The following TRPV3 variants were observed in gnomAD, a reference collection of about 807,000 sequenced individuals.
TRPV3 encodes VRL-3.
A neutral mutation model predicts 87.1 loss-of-function variants in TRPV3; 88 were observed. The ratio of observed to expected loss-of-function variants is 1.01; its 90% CI spans 0.85 to 1.21. The LOEUF is 1.21. Among genes scored for constraint, TRPV3 ranks in the 50% most tolerant of loss-of-function variants. The pLI is 0.00. For synonymous variants in TRPV3, 438 were observed against 423.3 expected, an observed-to-expected ratio of 1.03 and a Z score of -0.43; for missense variants, 1,054 against 1,030.1, an observed-to-expected ratio of 1.02 and a Z score of -0.32.
chr17:3,524,542 A>C (rs1218574619), intron 12 of TRPV3, among the ~76,000 whole-genome samples, 179 bp from the exon 13 acceptor site: 2 of 152,184 alleles, frequency 1.3e-5, no homozygotes, highest in Non-Finnish European at 2.9e-5. Context: ...CAGCCTGTAG[A>C]GACATCACCA....
intron 9 of TRPV3, 49 bp downstream of exon 9, chr17:3,529,978 G>A (rs773115296): frequency 1.3e-6 from 2 of 1,571,758 alleles, no homozygotes; most frequent in Admixed American, 1.8e-5. Context: ...CCTGGCCTGA[G>A]GTCCAGCCCT....
rs1176456164 is a variant in TRPV3, at chr17:3,511,755, A to G, written c.*2162T>C. 3.3e-5 allele frequency: 5 copies of G among 152,278 alleles called. No homozygotes were observed. The highest frequency in any genetic ancestry group is 7.3e-5 in the Non-Finnish European group (5 of 68,056). The allele number at this position is 152,278 out of a possible 1,614,324, so 9.4% of individuals were successfully genotyped here. A position where few individuals can be genotyped will look rare whatever the true frequency, so the allele number is the denominator to read the frequency against. ...TGGCAGGTTAGGCAAATAGAAATCA[A>G]TAATTGGCTTTATCCATTAACATCC... On this transcript the variant is annotated 3_prime_UTR_variant, in exon 18 of 18. Transcript: ENST00000576742.
chr17:3,548,941 A>G (rs1015232956), intron 2 of TRPV3, among the ~76,000 whole-genome samples: 2 of 152,088 alleles, frequency 1.3e-5, no homozygotes, highest in African/African-American at 4.8e-5. Context: ...TCGTCCTCTT[A>G]TGGAATTCCA....
At chr17:3,522,308 G>A (rs1597469698) in intron 13 of TRPV3, among the ~76,000 whole-genome samples, 1 of 152,122 alleles carries the variant, frequency 6.6e-6, no homozygotes, top group Non-Finnish European at 1.5e-5. Context: ...CCTGAGAGGA[G>A]AACAGTAGTC....
intron 11 of TRPV3, among the ~76,000 whole-genome samples, chr17:3,527,448 C>T (rs1339589486): frequency 6.6e-6 from 1 of 152,172 alleles, no homozygotes; most frequent in Non-Finnish European, 1.5e-5. Context: ...ATCATAAAGT[C>T]TTGATATTTA....
At chr17:3,554,701 G>T in intron 2 of TRPV3, 31 bp downstream of exon 2, 1 of 1,489,476 alleles carries the variant, frequency 6.7e-7, no homozygotes, top group Non-Finnish European at 9.3e-7. Context: ...TCACAGTGCC[G>T]CAGTCCGTGT....
intron 2 of TRPV3, among the ~76,000 whole-genome samples, chr17:3,549,919 G>T (rs2074558319): frequency 6.6e-6 from 1 of 151,418 alleles, no homozygotes; most frequent in Non-Finnish European, 1.5e-5. Flanking sequence ...ATGAGTGGAT[G>T]GTTGATGGAT....
At chr17:3,534,152 A>C (rs796598327) in intron 7 of TRPV3, among the ~76,000 whole-genome samples, 6 of 152,276 alleles carry the variant, frequency 3.9e-5, no homozygotes, top group African/African-American at 1.4e-4. Context: ...ATGCAGGGCA[A>C]TGGGGACACA....
rs1476012555 is a variant in TRPV3 at position 3,542,655 on chromosome 17, G to A, written c.510C>T (p.Thr170=). The change falls in exon 6 of 18, where the codon ACC becomes ACT. Residue 170 remains threonine, a synonymous_variant. Coordinates refer to ENST00000576742, the MANE Select transcript of TRPV3 (RefSeq NM_145068.4). The part of the protein sequence containing the change: ...HKLTASDTGK[T]CLMKALLNIN... Reference sequence around the variant, plus strand: ...TGTTTAACAAGGCCTTCATCAGGCAGGTCTTCCCCGTGTCGGAGGCCGTCA... The same window carrying A: ...TGTTTAACAAGGCCTTCATCAGGCAAGTCTTCCCCGTGTCGGAGGCCGTCA... 6 of 1,614,130 alleles carry A rather than the reference G, an allele frequency of 3.7e-6. No homozygotes were observed. In the Admixed American group the frequency reaches 5.0e-5, roughly 13 times the overall value.
rs1201579333 is a variant in TRPV3 at position 3,554,839 on chromosome 17, G to A, written c.12C>T (p.His4=). 6.2e-7 allele frequency: 1 copy of A among 1,610,670 alleles called. No homozygotes were observed. Among genetic ancestry groups the A allele is most frequent in the Non-Finnish European group, 8.5e-7 (1 of 1,178,736 alleles). The change falls in exon 2 of 18, where the codon CAC becomes CAT. Residue 4 remains histidine, a synonymous_variant. Transcript: ENST00000576742. MKA[H]PKEMVPLMGK... Reference sequence around the variant, plus strand: ...CCATGAGAGGCACCATCTCCTTGGGGTGGGCTTTCATGGCTGGAATACAAC... The same window carrying A: ...CCATGAGAGGCACCATCTCCTTGGGATGGGCTTTCATGGCTGGAATACAAC...
rs1476136043 is a variant in TRPV3, at chr17:3,516,579, TAAGC to T, written c.2086-14_2086-11del. The T allele has an allele frequency of 6.2e-7, 1 of 1,604,080 alleles. No individual in the cohort carries two copies. Among genetic ancestry groups the T allele is most frequent in the South Asian group, 1.1e-5 (1 of 90,886 alleles). On this transcript the variant is annotated splice_polypyrimidine_tract_variant and intron_variant, in intron 15 of 17. Transcript: ENST00000576742. Reference sequence around the variant, plus strand: ...AGATGGTCCTGGCTCTCTGGGGACATAAGCAAGTCTAAGGAGTAGGCATCCACAC... The same window carrying T: ...AGATGGTCCTGGCTCTCTGGGGACATAAGTCTAAGGAGTAGGCATCCACAC...
chr17:3,538,147 T>C (rs1006131491), intron 6 of TRPV3, among the ~76,000 whole-genome samples: 1 of 147,946 alleles, frequency 6.8e-6, no homozygotes, highest in Non-Finnish European at 1.5e-5. Flanking sequence ...GCAGTGAGCA[T>C]GCCACTGCAC....
chr17:3,530,706 T>C lies in TRPV3; in HGVS notation c.1066-503A>G, dbSNP rs1597477687. 1.3e-5 allele frequency among the ~76,000 whole-genome samples: 2 copies of C among 152,202 alleles called. No individual in the cohort carries two copies. The highest frequency in any genetic ancestry group is 1.9e-4 in the East Asian group (1 of 5,162). ...TACAGGGAGGCCCGTGGGACTTCGGTAGGCCAGTGATCCTCAAACTCTGCT... is the reference window on the plus strand; with the variant it reads ...TACAGGGAGGCCCGTGGGACTTCGGCAGGCCAGTGATCCTCAAACTCTGCT... On this transcript the variant is annotated intron_variant, in intron 8 of 17. Transcript: ENST00000576742. The surrounding 1 kb of genome is among the most constrained non-coding windows in gnomAD (Gnocchi z 4.0).
At chr17:3,551,628 G>T (rs1296874295) in intron 2 of TRPV3, among the ~76,000 whole-genome samples, 1 of 152,108 alleles carries the variant, frequency 6.6e-6, no homozygotes, top group Non-Finnish European at 1.5e-5. Context: ...TCTGGGCTCT[G>T]CAAGGCCAGT....
intron 6 of TRPV3, 90 bp from the exon 7 acceptor site, chr17:3,535,803 C>T: frequency 3.0e-6 from 4 of 1,333,206 alleles, no homozygotes; most frequent in Non-Finnish European, 2.9e-6. Flanking sequence ...CCTCCCCGAA[C>T]CCACGGGGAG....
At chr17:3,520,267 T>TA (rs1261458486) in intron 14 of TRPV3, among the ~76,000 whole-genome samples, 1 of 152,162 alleles carries the variant, frequency 6.6e-6, no homozygotes, top group Non-Finnish European at 1.5e-5. Context: ...CCCTCTGTTG[T>TA]AAATGGAGAG....
intron 2 of TRPV3, 136 bp downstream of exon 2, chr17:3,554,596 G>A (rs976386514): frequency 1.0e-4 from 67 of 649,990 alleles, no homozygotes; most frequent in Admixed American, 2.0e-4. Flanking sequence ...GTCATACCTC[G>A]CCGGGCACCG....
intron 16 of TRPV3, among the ~76,000 whole-genome samples, chr17:3,515,967 A>G (rs1319431467): frequency 2.0e-5 from 3 of 152,152 alleles, no homozygotes; most frequent in Non-Finnish European, 2.9e-5. Flanking sequence ...TGGGTGGATC[A>G]CCTGAGGTCA....
intron 2 of TRPV3, among the ~76,000 whole-genome samples, chr17:3,548,634 G>A (rs1421523993): frequency 3.9e-5 from 6 of 152,248 alleles, no homozygotes; most frequent in Non-Finnish European, 5.9e-5. Flanking sequence ...ATGGGGTGGA[G>A]GGCAGTACTG....
Sources: allele counts gnomAD v4.1 joint callset (sites outside exome capture counted in the v4.1 genomes callset), GRCh38; gene constraint gnomAD v4.1.1; non-coding constraint Gnocchi (gnomAD v3.1); transcripts MANE v1.5; gene names NCBI Gene and HGNC (gene_info 2026-07-23, HGNC 2026-07-21).